Variants in PTPRD observed in about 807,000 individuals in gnomAD.
PTPRD encodes receptor-type tyrosine-protein phosphatase delta.
Under a neutral mutation model 214.5 loss-of-function variants are expected in PTPRD, and 34 were observed. The observed-to-expected ratio is 0.16, with a 90% CI of 0.12 to 0.21. The LOEUF is 0.21. Among genes scored for constraint, PTPRD ranks in the 10% least tolerant of loss-of-function variants. The probability of loss-of-function intolerance (pLI) is 1.00; values close to 1 mark genes in which losing one functional copy is unlikely to be tolerated. For synonymous variants in PTPRD, 1,128 were observed against 845.7 expected (o/e 1.33, Z -5.79); for missense variants, 2,545 against 2,398.7 (o/e 1.06, Z -1.27).
At chr9:9,110,214 T>G (rs891928851) in intron 10 of PTPRD, among the ~76,000 whole-genome samples, 5 of 152,086 alleles carry the variant, frequency 3.3e-5, no homozygotes, top group Admixed American at 2.6e-4. Flanking sequence ...CTCTCTCCAT[T>G]TCACTTACTT....
At chr9:10,444,580 A>G (rs2098785379) in intron 2 of PTPRD, among the ~76,000 whole-genome samples, 1 of 151,856 alleles carries the variant, frequency 6.6e-6, no homozygotes, top group Non-Finnish European at 1.5e-5. Flanking sequence ...ACTAAAGACA[A>G]GATACATGCC....
intron 37 of PTPRD, among the ~76,000 whole-genome samples, chr9:8,377,550 C>G (rs899972467): frequency 1.3e-5 from 2 of 151,926 alleles, no homozygotes; most frequent in Non-Finnish European, 2.9e-5. Flanking sequence ...AAACACAGCA[C>G]AATATTTTTG....
At chr9:8,747,271 C>T (rs2092928663) in intron 11 of PTPRD, among the ~76,000 whole-genome samples, 1 of 152,102 alleles carries the variant, frequency 6.6e-6, no homozygotes, top group African/African-American at 2.4e-5. Flanking sequence ...CTCACTCAGG[C>T]ACTAGAATTA....
chr9:10,106,294 A>T (rs1215561801), intron 3 of PTPRD, among the ~76,000 whole-genome samples: 1 of 151,878 alleles, frequency 6.6e-6, no homozygotes, highest in Non-Finnish European at 1.5e-5. Context: ...GATAATCCAC[A>T]TTTAATTTTT....
rs373833849 is a variant in PTPRD, at chr9:8,501,050, G to C, written c.1832C>G (p.Ala611Gly). 3 of 1,611,080 alleles carry C rather than the reference G, an allele frequency of 1.9e-6. No homozygotes were observed. The highest frequency in any genetic ancestry group is 1.3e-5 in the African/African-American group (1 of 74,736). The change falls in exon 24 of 46, where the codon GCT becomes GGT. Residue 611 changes from alanine to glycine, a missense_variant. Ala to Gly is a moderately conservative substitution (Grantham distance 60). Coordinates refer to ENST00000381196, the MANE Select transcript of PTPRD (RefSeq NM_002839.4). ...GGTGCAACTAATGTCTTGAGGAGGA[G>C]CTGACGGCTCTTATTTTGGTAGTGA... ...SARTMQSKPS[A>G]PPQDISCTSP...
chr9:8,830,867 T>G (rs979367625), intron 11 of PTPRD, among the ~76,000 whole-genome samples: 1 of 152,224 alleles, frequency 6.6e-6, no homozygotes, highest in East Asian at 1.9e-4. Flanking sequence ...CTCATTTTTC[T>G]AACAATTCTC....
intron 27 of PTPRD, among the ~76,000 whole-genome samples, chr9:8,489,392 T>G (rs2097102907): frequency 6.6e-6 from 1 of 152,146 alleles, no homozygotes; most frequent in Non-Finnish European, 1.5e-5. Context: ...TACAGGAGGA[T>G]CTCAGTCTGC....
At chr9:10,459,113 C>G (rs373485082) in intron 2 of PTPRD, among the ~76,000 whole-genome samples, 3 of 152,086 alleles carry the variant, frequency 2.0e-5, no homozygotes, top group Admixed American at 6.6e-5. Flanking sequence ...GTGTTCTCAT[C>G]GTTCAGCTCC....
At chr9:8,585,012 A>G (rs2093520535) in intron 14 of PTPRD, among the ~76,000 whole-genome samples, 1 of 152,190 alleles carries the variant, frequency 6.6e-6, no homozygotes, top group Admixed American at 6.5e-5. Flanking sequence ...ATTATCTCCC[A>G]CTGGTTCCCT....
At chr9:8,794,194 C>T (rs1445063223) in intron 11 of PTPRD, among the ~76,000 whole-genome samples, 2 of 152,108 alleles carry the variant, frequency 1.3e-5, no homozygotes, top group African/African-American at 4.8e-5. Flanking sequence ...AACATCTGCT[C>T]CCTAAACTCA....
At chr9:9,697,966 A>G (rs1167577181) in intron 7 of PTPRD, among the ~76,000 whole-genome samples, 1 of 152,200 alleles carries the variant, frequency 6.6e-6, no homozygotes, top group Non-Finnish European at 1.5e-5. Context: ...TTCAGCAAAC[A>G]TATTTCTCAG....
intron 8 of PTPRD, among the ~76,000 whole-genome samples, chr9:9,446,860 G>A (rs12348735): frequency 1.3e-5 from 2 of 152,070 alleles, no homozygotes; most frequent in Non-Finnish European, 2.9e-5. Context: ...CAAAGGACAT[G>A]AACAGACACT....
chr9:8,343,447 C>G (rs1292154859), intron 39 of PTPRD, among the ~76,000 whole-genome samples: 1 of 151,986 alleles, frequency 6.6e-6, no homozygotes, highest in Non-Finnish European at 1.5e-5. Flanking sequence ...TAGCACAGAC[C>G]AATTGGCAAC....
rs12345909 is a variant in PTPRD, at chr9:9,447,940, A to G, written c.-236-50458T>C. Among the ~76,000 whole-genome samples, 694 of 152,222 alleles carry G rather than the reference A, an allele frequency of 4.6e-3. 8 individuals are homozygous for G. The highest frequency in any genetic ancestry group is 6.3e-3 in the Non-Finnish European group (429 of 68,002). On this transcript the variant is annotated intron_variant, in intron 8 of 45. Transcript: ENST00000381196. ...ATGAAAGATCAAGGAGATGCTCAGA[A>G]GCCAGGCCACATAGTCTTACAGACT...
intron 8 of PTPRD, among the ~76,000 whole-genome samples, chr9:9,538,139 C>T (rs911180167): frequency 6.6e-6 from 1 of 151,840 alleles, no homozygotes; most frequent in African/African-American, 2.4e-5. Context: ...AGTATTTCCT[C>T]ATATTTCGCA....
intron 2 of PTPRD, among the ~76,000 whole-genome samples, chr9:10,477,300 A>T (rs981678045): frequency 6.6e-6 from 1 of 152,068 alleles, no homozygotes; most frequent in African/African-American, 2.4e-5. Flanking sequence ...AAAATAAACA[A>T]CCCCATCAAA....
At chr9:9,182,962 A>G (rs2131491560) in intron 10 of PTPRD, among the ~76,000 whole-genome samples, 1 of 152,096 alleles carries the variant, frequency 6.6e-6, no homozygotes, top group East Asian at 1.9e-4. Flanking sequence ...GCTAAATTCA[A>G]TCAACATTTA....
intron 9 of PTPRD, among the ~76,000 whole-genome samples, chr9:9,271,443 T>A (rs4271024): frequency 0.028 from 4,304 of 151,466 alleles, 207 homozygotes; most frequent in African/African-American, 0.1. Flanking sequence ...TTATGTTGCA[T>A]CTGAATAGAA....
intron 2 of PTPRD, among the ~76,000 whole-genome samples, chr9:10,393,729 T>C (rs2098116576): frequency 6.8e-6 from 1 of 147,444 alleles, no homozygotes; most frequent in Non-Finnish European, 1.5e-5. Context: ...ATCAAATATA[T>C]AAATACATAT....
Sources: gnomAD v4.1 joint callset for allele counts (sites outside exome capture counted in the v4.1 genomes callset) on GRCh38, gnomAD v4.1.1 for gene constraint, MANE v1.5 for transcripts, NCBI Gene and HGNC (gene_info 2026-07-23, HGNC 2026-07-21) for gene names.